Variants in TAFA1 observed in about 807,000 individuals in gnomAD.
TAFA1 encodes chemokine-like protein TAFA-1.
Under a neutral mutation model 18.5 loss-of-function variants are expected in TAFA1, and 4 were observed. The observed-to-expected ratio is 0.22, with a 90% CI of 0.11 to 0.49. The LOEUF is 0.49. TAFA1 is among the 20% of genes least tolerant of loss of function. TAFA1 has a pLI of 0.98. For missense variants in TAFA1, 147 were observed against 169.0 expected (o/e 0.87, Z 0.72); for synonymous variants, 56 against 55.2 (o/e 1.01, Z -0.06).
At position 68,405,699 on chromosome 3, in the gene TAFA1, C is replaced by CAAAAAAAAAA; in HGVS notation, c.119-11549_119-11540dup. Among the ~76,000 whole-genome samples the CAAAAAAAAAA allele has an allele frequency of 8.5e-4, 28 of 32,884 alleles. 3 individuals are homozygous for CAAAAAAAAAA. The highest frequency in any genetic ancestry group is 1.2e-3 in the East Asian group (2 of 1,636). The allele number at this position is 32,884 out of a possible 152,430, so 21.6% of individuals were successfully genotyped here. A position where few individuals can be genotyped will look rare whatever the true frequency, so the allele number is the denominator to read the frequency against. On this transcript the variant is annotated intron_variant, in intron 2 of 4. Transcript: ENST00000478136. ...TAGGCAATGGAGTGAGACTCTATCT[C>CAAAAAAAAAA]AAAAAAAAAAAAAAAAAAAAAAAAA...
intron 3 of TAFA1, among the ~76,000 whole-genome samples, chr3:68,524,046 C>A: frequency 6.6e-6 from 1 of 152,212 alleles, no homozygotes; most frequent in East Asian, 1.9e-4. Flanking sequence ...TCTCCACACA[C>A]TGAATGACTT....
chr3:68,184,461 ATG>A (rs1214503133), intron 2 of TAFA1, among the ~76,000 whole-genome samples: 1 of 152,050 alleles, frequency 6.6e-6, no homozygotes, highest in Non-Finnish European at 1.5e-5. Context: ...CACTGTGTGC[ATG>A]TGTGTGTGTG....
At chr3:68,364,469 C>T (rs758434848) in intron 2 of TAFA1, among the ~76,000 whole-genome samples, 35 of 151,948 alleles carry the variant, frequency 2.3e-4, no homozygotes, top group Non-Finnish European at 4.3e-4. Context: ...AGAACAGCAC[C>T]GTAAAGAGAG....
chr3:68,408,679 G>T (rs1341022221), intron 2 of TAFA1, among the ~76,000 whole-genome samples: 1 of 150,588 alleles, frequency 6.6e-6, no homozygotes, highest in African/African-American at 2.5e-5. Flanking sequence ...TAGTAAATGT[G>T]TGACTGCCCA....
At chr3:68,316,148 G>C (rs1056056432) in intron 2 of TAFA1, among the ~76,000 whole-genome samples, 1 of 152,214 alleles carries the variant, frequency 6.6e-6, no homozygotes, top group Non-Finnish European at 1.5e-5. Flanking sequence ...AGTAAAGGCT[G>C]TTTTGTTCCA....
In TAFA1 at chr3:68,127,271, G is replaced by A. The variant is rs114580120; in HGVS notation, c.118+120527G>A. ...CTTGTTTAATGACTAATAATAAAAC[G>A]TTAAGGTCATTGGCAATGTGTGAGA... On this transcript the variant is annotated intron_variant, in intron 2 of 4. Transcript: ENST00000478136. Among the ~76,000 whole-genome samples, 1,144 of 152,144 alleles carry A rather than the reference G, an allele frequency of 7.5e-3. 12 individuals are homozygous for A. Among genetic ancestry groups the A allele is most frequent in the African/African-American group, 0.024 (1,013 of 41,516 alleles).
At chr3:68,228,953 C>T (rs1324881037) in intron 2 of TAFA1, among the ~76,000 whole-genome samples, 1 of 152,168 alleles carries the variant, frequency 6.6e-6, no homozygotes, top group African/African-American at 2.4e-5. Flanking sequence ...ATTTAAAGAG[C>T]AAAGATTGCT....
intron 3 of TAFA1, among the ~76,000 whole-genome samples, chr3:68,522,877 A>C (rs1042651581): frequency 3.3e-5 from 5 of 151,918 alleles, no homozygotes; most frequent in Admixed American, 1.3e-4. Context: ...GGAGTTCAAG[A>C]CCAGCCTGGC....
intron 2 of TAFA1, among the ~76,000 whole-genome samples, chr3:68,181,548 T>A (rs965333894): frequency 2.6e-5 from 4 of 152,224 alleles, no homozygotes; most frequent in Non-Finnish European, 5.9e-5. Context: ...ACTGTTATAC[T>A]GATAATGTTG....
chr3:68,113,922 T>A (rs1319951546), intron 2 of TAFA1, among the ~76,000 whole-genome samples: 2 of 110,578 alleles, frequency 1.8e-5, no homozygotes, highest in African/African-American at 7.0e-5. Context: ...TTTTTTTTTA[T>A]GAGACAGAGT....
chr3:68,328,979 GA>G (rs541695829), intron 2 of TAFA1, among the ~76,000 whole-genome samples: 2 of 150,762 alleles, frequency 1.3e-5, no homozygotes, highest in African/African-American at 4.9e-5. Flanking sequence ...GTACAAAATT[GA>G]AAAAAAAGTA....
chr3:68,371,420 C>A (rs1575812646), intron 2 of TAFA1, among the ~76,000 whole-genome samples: 1 of 152,068 alleles, frequency 6.6e-6, no homozygotes, highest in African/African-American at 2.4e-5. Context: ...TGTTCCCCTC[C>A]CTGTGTCCAT....
At chr3:68,424,084 A>G (rs1173019583) in intron 3 of TAFA1, among the ~76,000 whole-genome samples, 1 of 152,062 alleles carries the variant, frequency 6.6e-6, no homozygotes, top group African/African-American at 2.4e-5. Flanking sequence ...CAAACAAATA[A>G]AAAAACCCTT....
intron 2 of TAFA1, among the ~76,000 whole-genome samples, chr3:68,210,355 A>G (rs1458638252): frequency 6.6e-6 from 1 of 151,976 alleles, no homozygotes; most frequent in African/African-American, 2.4e-5. Flanking sequence ...TATTCTCACC[A>G]TGGTTATCAG....
intron 2 of TAFA1, among the ~76,000 whole-genome samples, chr3:68,355,157 G>A (rs1008589130): frequency 3.3e-5 from 5 of 151,932 alleles, no homozygotes; most frequent in Non-Finnish European, 7.4e-5. Flanking sequence ...GGGTCTTGCA[G>A]ATGGGGTCTA....
At chr3:68,460,819 G>C (rs1260851209) in intron 3 of TAFA1, among the ~76,000 whole-genome samples, 1 of 152,224 alleles carries the variant, frequency 6.6e-6, no homozygotes, top group Admixed American at 6.5e-5. Context: ...TGCTGATGCT[G>C]CTAGTCTGGG....
At chr3:68,151,261 ATTG>A (rs2065803163) in intron 2 of TAFA1, among the ~76,000 whole-genome samples, 1 of 152,146 alleles carries the variant, frequency 6.6e-6, no homozygotes, top group African/African-American at 2.4e-5. Context: ...TATTTAAGCT[ATTG>A]TTATTTAATG....
intron 2 of TAFA1, among the ~76,000 whole-genome samples, chr3:68,226,422 T>C (rs1250202506): frequency 6.6e-6 from 1 of 152,216 alleles, no homozygotes; most frequent in Admixed American, 6.5e-5. Context: ...ACGTGAATTA[T>C]CAATTCAAAA....
intron 3 of TAFA1, among the ~76,000 whole-genome samples, chr3:68,534,615 G>T (rs1190424351): frequency 1.3e-5 from 2 of 152,136 alleles, no homozygotes; most frequent in Non-Finnish European, 2.9e-5. Flanking sequence ...TGAATTTTTA[G>T]ATATTATAAC....
Sources: allele counts gnomAD v4.1 joint callset (sites outside exome capture counted in the v4.1 genomes callset), GRCh38; gene constraint gnomAD v4.1.1; transcripts MANE v1.5; gene names NCBI Gene and HGNC (gene_info 2026-07-23, HGNC 2026-07-21).